Variants in POU6F2 observed in about 807,000 individuals in gnomAD.
POU6F2 encodes POU class 6 homeobox 2.
Under a neutral mutation model 71.3 loss-of-function variants are expected in POU6F2, and 31 were observed. That is an observed-to-expected ratio of 0.43 (90% CI 0.33 to 0.59). The LOEUF is 0.59. Ranked by LOEUF, POU6F2 falls within the 20% of genes least tolerant of loss-of-function variation. The pLI is 0.04. For missense variants in POU6F2, 783 were observed against 856.8 expected, an observed-to-expected ratio of 0.91 and a Z score of 1.07; for synonymous variants, 347 against 355.7, an observed-to-expected ratio of 0.98 and a Z score of 0.27.
Position 39,207,435 on chromosome 7 carries a change from T to G in POU6F2, c.413T>G (p.Val138Gly). The G allele has an allele frequency of 6.2e-7, 1 of 1,613,986 alleles. No homozygotes were observed. Among genetic ancestry groups the G allele is most frequent in the South Asian group, 1.1e-5 (1 of 91,080 alleles). Residue 138 changes from valine (V) to glycine (G), a missense_variant, in exon 4 of 10, where the codon GTG (valine) becomes GGG (glycine). This residue lies in a region of POU6F2 where 572 missense variants were observed against 572.9 expected (regional missense o/e 1.00). Transcript: ENST00000518318. ...CAGTTAGCTTCTGCTGTGGCCGGCG[T>G]GATGCCGGGAGGCCCCCCAGCCCTC... is the stretch of plus-strand genomic sequence containing the variant. ...AQQLASAVAG[V>G]MPGGPPALNQ...
At chr7:39,429,136 C>T (rs901927670) in intron 6 of POU6F2, among the ~76,000 whole-genome samples, 5 of 150,942 alleles carry the variant, frequency 3.3e-5, no homozygotes, top group Admixed American at 6.6e-5. Flanking sequence ...AAAAAACTCA[C>T]TCATCGGAAC....
chr7:39,045,614 G>A (rs147115280), intron 1 of POU6F2, among the ~76,000 whole-genome samples: 146 of 151,368 alleles, frequency 9.6e-4, no homozygotes, highest in Non-Finnish European at 1.7e-3. Flanking sequence ...AATGTACAAT[G>A]TAATGATTTT....
rs1788847714 is a variant in POU6F2, at chr7:38,999,798, T to A, written c.105+21740T>A. Among the ~76,000 whole-genome samples, 6 of 152,194 alleles carry A rather than the reference T, an allele frequency of 3.9e-5. No homozygotes were observed. The South Asian group carries it at 1.2e-3, about 32-fold the overall frequency. ...TGAAAGCCCACTTTTAGATTTATTATTGCTTTGTTGGGGCGTACCATTTAA... is the reference window on the plus strand; with the variant it reads ...TGAAAGCCCACTTTTAGATTTATTAATGCTTTGTTGGGGCGTACCATTTAA... On this transcript the variant is annotated intron_variant, in intron 1 of 9. Coordinates refer to ENST00000518318, the MANE Select transcript of POU6F2 (RefSeq NM_001370959.1).
intron 2 of POU6F2, among the ~76,000 whole-genome samples, chr7:39,134,225 CACTT>C (rs750015171): frequency 1.8e-4 from 27 of 152,258 alleles, no homozygotes; most frequent in South Asian, 1.0e-3. Flanking sequence ...CAGAAACTAT[CACTT>C]ACTTTATTGC....
In POU6F2 at chr7:39,416,859, G is replaced by A. The variant is rs150928608; in HGVS notation, c.1113+10119G>A. ...TCATTGAAATGTTGTAATTAAGGGG[G>A]ATACTATAATTGAGGAAATATGTTA... On this transcript the variant is annotated intron_variant, in intron 6 of 9. Transcript: ENST00000518318. Among the ~76,000 whole-genome samples, 921 of 151,882 alleles carry A rather than the reference G, an allele frequency of 6.1e-3. 11 individuals carry two copies. Among genetic ancestry groups the A allele is most frequent in the African/African-American group, 0.018 (737 of 41,348 alleles).
chr7:39,053,368 C>T (rs186292176), intron 1 of POU6F2, among the ~76,000 whole-genome samples: 1 of 152,128 alleles, frequency 6.6e-6, no homozygotes, highest in Non-Finnish European at 1.5e-5. Context: ...AAAGAGAATC[C>T]TGATAATTCT....
At chr7:39,422,057 T>C (rs1787862306) in intron 6 of POU6F2, among the ~76,000 whole-genome samples, 2 of 152,194 alleles carry the variant, frequency 1.3e-5, no homozygotes, top group Admixed American at 1.3e-4. Flanking sequence ...GGAAAAAATG[T>C]TTCAGCAATT....
At chr7:39,378,369 C>T (rs996757144) in intron 5 of POU6F2, among the ~76,000 whole-genome samples, 4 of 152,172 alleles carry the variant, frequency 2.6e-5, no homozygotes, top group Non-Finnish European at 2.9e-5. Context: ...ATCCATGCTC[C>T]CCTGAATCCC....
intron 4 of POU6F2, among the ~76,000 whole-genome samples, chr7:39,256,024 T>C (rs1290693905): frequency 6.6e-6 from 1 of 152,216 alleles, no homozygotes. Context: ...TACCAATGGA[T>C]TGATGGATTC....
chr7:39,449,424 G>T (rs1788603090), intron 7 of POU6F2, among the ~76,000 whole-genome samples: 1 of 152,194 alleles, frequency 6.6e-6, no homozygotes, highest in Admixed American at 6.5e-5. Context: ...ACACTTTAGG[G>T]AATTAAAAAG....
At chr7:39,128,507 C>T (rs1792190492) in intron 2 of POU6F2, among the ~76,000 whole-genome samples, 1 of 152,136 alleles carries the variant, frequency 6.6e-6, no homozygotes, top group Non-Finnish European at 1.5e-5. Flanking sequence ...ACCATAGATG[C>T]ATATCTTAAT....
At chr7:39,361,850 T>C (rs1336289332) in intron 5 of POU6F2, among the ~76,000 whole-genome samples, 1 of 152,162 alleles carries the variant, frequency 6.6e-6, no homozygotes, top group African/African-American at 2.4e-5. Context: ...ATGTTTGAGC[T>C]CGGGTGTTTG....
intron 4 of POU6F2, among the ~76,000 whole-genome samples, chr7:39,300,269 C>G (rs1254364962): frequency 2.6e-5 from 4 of 152,098 alleles, no homozygotes; most frequent in African/African-American, 7.2e-5. Context: ...AAAGTGGAAG[C>G]CAGAATTCAG....
chr7:39,141,163 C>T (rs1315800966), intron 2 of POU6F2, among the ~76,000 whole-genome samples: 7 of 152,136 alleles, frequency 4.6e-5, no homozygotes. Context: ...TTTGTGTTCT[C>T]TTCCTTTTGC....
At position 39,069,980 on chromosome 7, in the gene POU6F2, C is replaced by T. The variant is rs570015164; in HGVS notation, c.106-15880C>T. 4.3e-4 allele frequency among the ~76,000 whole-genome samples: 66 copies of T among 152,150 alleles called. No individual in the cohort carries two copies. The South Asian group carries it at 5.8e-3, about 13-fold the overall frequency. On this transcript the variant is annotated intron_variant, in intron 1 of 9. Coordinates refer to ENST00000518318, the MANE Select transcript of POU6F2 (RefSeq NM_001370959.1). ...AGTTAAAGTGGCTTTTTTAAGACTGCGCTGGGAGCTAGTCCAGAGTCAGGA... is the reference window on the plus strand; with the variant it reads ...AGTTAAAGTGGCTTTTTTAAGACTGTGCTGGGAGCTAGTCCAGAGTCAGGA...
chr7:39,388,855 A>G (rs991607415), intron 5 of POU6F2, among the ~76,000 whole-genome samples: 36 of 152,232 alleles, frequency 2.4e-4, no homozygotes, highest in Non-Finnish European at 5.1e-4. Context: ...TTGCATGATT[A>G]CTATTCGAAT....
chr7:38,986,991 C>A (rs555903879), intron 1 of POU6F2, among the ~76,000 whole-genome samples: 2 of 152,240 alleles, frequency 1.3e-5, no homozygotes, highest in African/African-American at 2.4e-5. Flanking sequence ...TTAACCAGTT[C>A]TCTCTTGATC....
intron 4 of POU6F2, among the ~76,000 whole-genome samples, chr7:39,253,878 A>G (rs1040443360): frequency 2.0e-5 from 3 of 152,178 alleles, no homozygotes; most frequent in Non-Finnish European, 2.9e-5. Context: ...GAGTTTAGTC[A>G]TTATCAACAT....
chr7:39,451,318 A>T (rs1198036023), intron 7 of POU6F2, among the ~76,000 whole-genome samples: 1 of 151,746 alleles, frequency 6.6e-6, no homozygotes, highest in East Asian at 1.9e-4. Flanking sequence ...ATATATTTAG[A>T]ATTACTAATA....
Sources: gnomAD v4.1 joint callset for allele counts (sites outside exome capture counted in the v4.1 genomes callset) on GRCh38, gnomAD v4.1.1 for gene constraint, gnomAD v4.1.1 regional missense constraint, MANE v1.5 for transcripts, NCBI Gene and HGNC (gene_info 2026-07-23, HGNC 2026-07-21) for gene names.